The following TFDP1 variants were observed in gnomAD, a reference collection of about 807,000 sequenced individuals.
The protein encoded by TFDP1 is transcription factor Dp-1.
In TFDP1, 6 loss-of-function variants were observed where a neutral mutation model predicts 48.0. The ratio of observed to expected loss-of-function variants is 0.13; its 90% CI spans 0.07 to 0.25. The LOEUF is 0.25. Ranked by LOEUF, TFDP1 falls within the 10% of genes least tolerant of loss-of-function variation. TFDP1 has a pLI of 1.00. For synonymous variants in TFDP1, 201 were observed against 211.6 expected (o/e 0.95, Z 0.44); for missense variants, 335 against 543.0 (o/e 0.62, Z 3.81).
At chr13:113,587,294 C>G (rs991518848) in intron 2 of TFDP1, among the ~76,000 whole-genome samples, 1 of 151,810 alleles carries the variant, frequency 6.6e-6, no homozygotes, top group African/African-American at 2.4e-5. Context: ...TGCATAGGCA[C>G]AGGGGCTGGG....
chr13:113,595,938 T>C lies in TFDP1; in HGVS notation c.12+10089T>C, dbSNP rs573309063. On this transcript the variant is annotated intron_variant, in intron 2 of 11. Coordinates refer to ENST00000375370, the MANE Select transcript of TFDP1 (RefSeq NM_007111.5). ...TCTACTAAAAATACAAAAAGTTAGC[T>C]GGGCGTGGTGGCGGGCACCTGTAGT... Among the ~76,000 whole-genome samples, 46 of 152,246 alleles carry C rather than the reference T, an allele frequency of 3.0e-4. No homozygotes were observed. In the South Asian group the frequency reaches 5.0e-3, roughly 16 times the overall value.
At chr13:113,640,093 C>T (rs372938047) in intron 11 of TFDP1, 27 bp from the exon 12 acceptor site, 5 of 1,555,850 alleles carry the variant, frequency 3.2e-6, no homozygotes, top group Middle Eastern at 3.4e-4. Flanking sequence ...CCTGCACTGA[C>T]GGCGCCATCC....
chr13:113,633,621 T>G lies in TFDP1; in HGVS notation c.475-269T>G, dbSNP rs2049396710. ...TGAGCACGTGGGCTGGCTCTGCACG[T>G]CTAGCGGCCCAGAAATGCACAAATG... On this transcript the variant is annotated intron_variant, in intron 6 of 11. Transcript: ENST00000375370. The surrounding 1 kb of genome is among the most constrained non-coding windows in gnomAD (Gnocchi z 4.5). Among the ~76,000 whole-genome samples, 1 of 152,200 alleles carries G rather than the reference T, an allele frequency of 6.6e-6. No individual in the cohort carries two copies. The highest frequency in any genetic ancestry group is 2.4e-5 in the African/African-American group (1 of 41,446).
At chr13:113,597,701 C>T (rs1181565588) in intron 2 of TFDP1, among the ~76,000 whole-genome samples, 1 of 152,210 alleles carries the variant, frequency 6.6e-6, no homozygotes, top group African/African-American at 2.4e-5. Context: ...TTAGGAGCAC[C>T]TCACAGGCCT....
chr13:113,630,493 G>A (rs1485235624), intron 4 of TFDP1, among the ~76,000 whole-genome samples: 3 of 152,252 alleles, frequency 2.0e-5, no homozygotes, highest in Admixed American at 6.5e-5. Context: ...GGAGCTGGGG[G>A]GGCCCAGCTT....
intron 2 of TFDP1, among the ~76,000 whole-genome samples, chr13:113,596,599 G>T (rs1437457420): frequency 6.6e-6 from 1 of 152,244 alleles, no homozygotes; most frequent in East Asian, 1.9e-4. Flanking sequence ...AGCCTGGTCT[G>T]TAGGCTCCGT....
intron 11 of TFDP1, among the ~76,000 whole-genome samples, chr13:113,639,796 G>C (rs2049595133): frequency 6.6e-6 from 1 of 152,168 alleles, no homozygotes; most frequent in Non-Finnish European, 1.5e-5. Context: ...GGGATCTAAT[G>C]GTTTTACAGT....
At chr13:113,637,688 C>G in intron 10 of TFDP1, 130 bp from the exon 11 acceptor site, 5 of 1,559,032 alleles carry the variant, frequency 3.2e-6, no homozygotes, top group Non-Finnish European at 4.3e-6. Flanking sequence ...AAATACTGGA[C>G]AAGCGAAGGA....
Position 113,623,138 on chromosome 13 carries a change from G to T in TFDP1, c.80-42G>T. Reference sequence around the variant, plus strand: ...AATGGTCGCTTGTAGCCTTAACTTAGAAAAGGAGTCTCGCCCTTGACCTGG... The same window carrying T: ...AATGGTCGCTTGTAGCCTTAACTTATAAAAGGAGTCTCGCCCTTGACCTGG... On this transcript the variant is annotated intron_variant, in intron 3 of 11. Coordinates refer to ENST00000375370, the MANE Select transcript of TFDP1 (RefSeq NM_007111.5). The surrounding 1 kb of genome is among the most constrained non-coding windows in gnomAD (Gnocchi z 5.2). 6.4e-7 allele frequency: 1 copy of T among 1,560,770 alleles called. No homozygotes were observed. The highest frequency in any genetic ancestry group is 8.8e-7 in the Non-Finnish European group (1 of 1,142,042).
chr13:113,635,953 C>T, intron 8 of TFDP1, 24 bp from the exon 9 acceptor site: 2 of 1,609,644 alleles, frequency 1.2e-6, no homozygotes, highest in Non-Finnish European at 8.5e-7. Context: ...CCACGGGCCA[C>T]CTGGCTCCTC....
At chr13:113,590,598 T>C (rs550078147) in intron 2 of TFDP1, among the ~76,000 whole-genome samples, 1 of 152,310 alleles carries the variant, frequency 6.6e-6, no homozygotes, top group East Asian at 1.9e-4. Flanking sequence ...CAGGTTTAAG[T>C]GTTGAAGAAA....
chr13:113,586,974 C>T (rs1488971255), intron 2 of TFDP1, among the ~76,000 whole-genome samples: 3 of 152,334 alleles, frequency 2.0e-5, no homozygotes, highest in Admixed American at 6.5e-5. Flanking sequence ...ATGTGCTCAG[C>T]GCGCAAGCCA....
intron 2 of TFDP1, among the ~76,000 whole-genome samples, chr13:113,590,966 C>T (rs561414490): frequency 7.4e-5 from 10 of 135,036 alleles, no homozygotes; most frequent in Non-Finnish European, 1.6e-4. Flanking sequence ...GCAGAGATCA[C>T]GCCACTGCAC....
At chr13:113,615,335 T>A (rs545240049) in intron 3 of TFDP1, among the ~76,000 whole-genome samples, 1 of 152,248 alleles carries the variant, frequency 6.6e-6, no homozygotes. Context: ...CTTACTCATA[T>A]CATGCCTACG....
intron 2 of TFDP1, among the ~76,000 whole-genome samples, chr13:113,604,157 T>G (rs2048506384): frequency 8.7e-6 from 1 of 114,434 alleles, no homozygotes; most frequent in African/African-American, 4.4e-5. Flanking sequence ...TAACAGCCTG[T>G]CTCAAAAAAA....
chr13:113,636,924 C>T (rs1276277739), intron 10 of TFDP1, among the ~76,000 whole-genome samples: 3 of 152,222 alleles, frequency 2.0e-5, no homozygotes, highest in East Asian at 1.9e-4. Context: ...GCCTTGAGTC[C>T]ACAGGTGGCT....
chr13:113,638,554 C>T (rs574656590), intron 11 of TFDP1, among the ~76,000 whole-genome samples: 3 of 152,256 alleles, frequency 2.0e-5, no homozygotes, highest in South Asian at 4.1e-4. Flanking sequence ...TCACAGCGCA[C>T]GTATTTTTCA....
At chr13:113,589,989 C>T (rs2048100855) in intron 2 of TFDP1, among the ~76,000 whole-genome samples, 2 of 152,250 alleles carry the variant, frequency 1.3e-5, no homozygotes, top group Non-Finnish European at 2.9e-5. Context: ...ATGATGAATT[C>T]ATCAAACATT....
At chr13:113,603,596 G>A (rs911704232) in intron 2 of TFDP1, among the ~76,000 whole-genome samples, 3 of 152,208 alleles carry the variant, frequency 2.0e-5, no homozygotes, top group Non-Finnish European at 4.4e-5. Flanking sequence ...CGTGTTTTAC[G>A]AACGTGTGTT....
Sources: gnomAD v4.1 joint callset for allele counts (sites outside exome capture counted in the v4.1 genomes callset) on GRCh38, gnomAD v4.1.1 for gene constraint, Gnocchi (gnomAD v3.1) non-coding constraint, MANE v1.5 for transcripts, NCBI Gene and HGNC (gene_info 2026-07-23, HGNC 2026-07-21) for gene names.